Variants in GRM8 observed in about 807,000 individuals in gnomAD.
GRM8 encodes the protein glutamate metabotropic receptor 8.
In GRM8, 47 loss-of-function variants were observed where a neutral mutation model predicts 87.2. That is an observed-to-expected ratio of 0.54 (90% CI 0.43 to 0.69). The LOEUF is 0.69. GRM8 is among the 30% of genes least tolerant of loss of function. GRM8 has a pLI of 0.00. For synonymous variants in GRM8, 396 were observed against 404.5 expected (o/e 0.98, Z 0.25); for missense variants, 1,019 against 1,139.2 (o/e 0.89, Z 1.52).
intron 6 of GRM8, among the ~76,000 whole-genome samples, chr7:126,806,491 A>G (rs1792739861): frequency 6.6e-6 from 1 of 152,190 alleles, no homozygotes; most frequent in Non-Finnish European, 1.5e-5. Flanking sequence ...TTATTCCCCT[A>G]TCTGGCCCCA....
chr7:126,528,138 A>T (rs1240350376), intron 9 of GRM8, among the ~76,000 whole-genome samples: 1 of 151,516 alleles, frequency 6.6e-6, no homozygotes, highest in Admixed American at 6.6e-5. Flanking sequence ...CTGAAGGCAG[A>T]GGTTGCAGTG....
At chr7:127,134,205 T>G (rs1473521584) in intron 2 of GRM8, among the ~76,000 whole-genome samples, 2 of 152,246 alleles carry the variant, frequency 1.3e-5, no homozygotes, top group Non-Finnish European at 2.9e-5. Flanking sequence ...TCAGGCACTC[T>G]ATTAAGATTT....
chr7:126,822,820 T>C (rs1359607808), intron 6 of GRM8, among the ~76,000 whole-genome samples: 2 of 152,200 alleles, frequency 1.3e-5, no homozygotes, highest in African/African-American at 4.8e-5. Context: ...TCTTCCTAGA[T>C]TAATGCATCT....
At chr7:126,895,257 G>A (rs1352522744) in intron 6 of GRM8, among the ~76,000 whole-genome samples, 2 of 152,030 alleles carry the variant, frequency 1.3e-5, no homozygotes, top group Admixed American at 6.6e-5. Flanking sequence ...TTGTTTAGAC[G>A]ATCTTCTGTA....
chr7:126,991,879 A>C (rs1812693479), intron 3 of GRM8, among the ~76,000 whole-genome samples: 1 of 152,224 alleles, frequency 6.6e-6, no homozygotes, highest in Non-Finnish European at 1.5e-5. Context: ...TCCATAATAC[A>C]CAGTGTTTTC....
At chr7:126,985,096 C>T (rs1055521685) in intron 3 of GRM8, among the ~76,000 whole-genome samples, 4 of 152,106 alleles carry the variant, frequency 2.6e-5, no homozygotes, top group African/African-American at 9.7e-5. Context: ...AGCTTATTGA[C>T]ACAAATGAGA....
intron 8 of GRM8, among the ~76,000 whole-genome samples, chr7:126,537,870 T>G (rs562860752): frequency 2.0e-5 from 3 of 152,288 alleles, no homozygotes; most frequent in African/African-American, 7.2e-5. Context: ...ACAAAGATTA[T>G]TCAACCCTGT....
intron 2 of GRM8, among the ~76,000 whole-genome samples, chr7:127,190,468 C>A (rs1794965008): frequency 6.6e-6 from 1 of 151,946 alleles, no homozygotes; most frequent in South Asian, 2.1e-4. Flanking sequence ...TGCTTGAACC[C>A]TGGAGGCAGA....
intron 6 of GRM8, among the ~76,000 whole-genome samples, chr7:126,776,833 C>G (rs1299831225): frequency 6.6e-6 from 1 of 152,138 alleles, no homozygotes; most frequent in Non-Finnish European, 1.5e-5. Flanking sequence ...CAGGGCCCCT[C>G]CAGCTCTGAA....
rs10224632 is a variant in GRM8 at position 127,067,052 on chromosome 7, T to C, written c.727+39444A>G. Among the ~76,000 whole-genome samples, 225 of 152,290 alleles carry C rather than the reference T, an allele frequency of 1.5e-3. 2 individuals carry two copies. The highest frequency in any genetic ancestry group is 5.1e-3 in the African/African-American group (212 of 41,554). Reference sequence around the variant, plus strand: ...CAGTCTGTGCTGTCTCTTGTACCAGTATTCACTCTGATGTGATAAAGGCCC... The same window carrying C: ...CAGTCTGTGCTGTCTCTTGTACCAGCATTCACTCTGATGTGATAAAGGCCC... On this transcript the variant is annotated intron_variant, in intron 3 of 10. Transcript: ENST00000339582.
intron 6 of GRM8, among the ~76,000 whole-genome samples, chr7:126,773,153 T>C (rs1476543033): frequency 1.3e-5 from 2 of 152,094 alleles, no homozygotes; most frequent in Admixed American, 6.6e-5. Flanking sequence ...GTTGTTTGTA[T>C]TGCTGCTCTC....
intron 2 of GRM8, among the ~76,000 whole-genome samples, chr7:127,155,392 A>C (rs1214119789): frequency 1.3e-5 from 2 of 152,208 alleles, no homozygotes; most frequent in Non-Finnish European, 2.9e-5. Context: ...TCTTTGATTC[A>C]TCCAACGTAA....
intron 6 of GRM8, among the ~76,000 whole-genome samples, chr7:126,900,440 A>G (rs1264517843): frequency 1.3e-5 from 2 of 152,194 alleles, no homozygotes; most frequent in Non-Finnish European, 2.9e-5. Context: ...TTAGATAAAT[A>G]TAACACTACG....
intron 3 of GRM8, among the ~76,000 whole-genome samples, chr7:127,059,331 C>CTTTTTTTTTTTTTTTTTTT (rs10618329): frequency 3.1e-5 from 4 of 130,594 alleles, no homozygotes; most frequent in Non-Finnish European, 3.3e-5. Flanking sequence ...TTTTTTTTTG[C>CTTTTTTTTTTTTTTTTTTT]TTTTTTTTTT....
intron 3 of GRM8, among the ~76,000 whole-genome samples, chr7:127,025,016 G>C (rs1816640270): frequency 6.6e-6 from 1 of 151,956 alleles, no homozygotes; most frequent in African/African-American, 2.4e-5. Flanking sequence ...TAAACATAAG[G>C]CCATTTCCCC....
Position 126,533,649 on chromosome 7 carries a change from T to C in GRM8, c.1733A>G (p.Glu578Gly). ...GCQLIPIIKL[E>G]WHSPWAVVPV... ...CACCACAGCCCAGGGAGAATGCCAC[T>C]CCAATTTGATGATGGGGATAAGCTG... is the stretch of plus-strand genomic sequence containing the variant. Residue 578 changes from glutamate (E) to glycine (G), a missense_variant, in exon 9 of 11, where the codon GAG becomes GGG. Coordinates refer to ENST00000339582, the MANE Select transcript of GRM8 (RefSeq NM_000845.3). The C allele has an allele frequency of 6.2e-7, 1 of 1,614,060 alleles. No individual in the cohort carries two copies.
chr7:126,559,730 T>G (rs1380748456), intron 8 of GRM8, among the ~76,000 whole-genome samples: 1 of 152,200 alleles, frequency 6.6e-6, no homozygotes, highest in Non-Finnish European at 1.5e-5. Flanking sequence ...CCTGTAAATC[T>G]GAGTATGAAT....
At chr7:127,105,949 T>C (rs929321225) in intron 3 of GRM8, among the ~76,000 whole-genome samples, 1 of 151,838 alleles carries the variant, frequency 6.6e-6, no homozygotes, top group Non-Finnish European at 1.5e-5. Context: ...TGTAAACAAG[T>C]TTTTACATCT....
Position 127,242,947 on chromosome 7 carries a change from A to T in GRM8, c.258T>A (p.Ile86=). 6.2e-7 allele frequency: 1 copy of T among 1,614,130 alleles called. No individual in the cohort carries two copies. Among genetic ancestry groups the T allele is most frequent in the Admixed American group, 1.7e-5 (1 of 60,010 alleles). Residue 86 remains isoleucine, a synonymous_variant, in exon 2 of 11, where the codon ATT becomes ATA. Transcript: ENST00000339582. ...LEAMLYAIDQ[I]NKDPDLLSNI... Reference sequence around the variant, plus strand: ...TGGAAAGGAGATCAGGGTCCTTGTTAATCTGGTCAATTGCATAAAGCATGG... The same window carrying T: ...TGGAAAGGAGATCAGGGTCCTTGTTTATCTGGTCAATTGCATAAAGCATGG...
Sources: gnomAD v4.1 joint callset for allele counts (sites outside exome capture counted in the v4.1 genomes callset) on GRCh38, gnomAD v4.1.1 for gene constraint, MANE v1.5 for transcripts, NCBI Gene and HGNC (gene_info 2026-07-23, HGNC 2026-07-21) for gene names.